The following HDLBP variants were observed in gnomAD, a reference collection of about 807,000 sequenced individuals.
HDLBP encodes the protein high density lipoprotein binding protein, also known as vigilin.
HDLBP carries 30 observed loss-of-function variants against 137.3 expected under a neutral mutation model. The ratio of observed to expected loss-of-function variants is 0.22; its 90% CI spans 0.16 to 0.30. HDLBP has a LOEUF of 0.30. Among genes scored for constraint, HDLBP ranks in the 10% least tolerant of loss-of-function variants. HDLBP has a pLI of 1.00. For missense variants in HDLBP, 1,119 were observed against 1,667.3 expected (o/e 0.67, Z 5.73); for synonymous variants, 606 against 596.0 (o/e 1.02, Z -0.24).
intron 1 of HDLBP, among the ~76,000 whole-genome samples, chr2:241,306,648 T>C (rs1436050225): frequency 1.3e-5 from 2 of 152,060 alleles, no homozygotes; most frequent in African/African-American, 4.8e-5. Context: ...CTCATGCCTA[T>C]TATCACAGCA....
intron 9 of HDLBP, 49 bp downstream of exon 9, chr2:241,255,002 A>G: frequency 7.3e-7 from 1 of 1,370,664 alleles, no homozygotes. Context: ...AAACAGAAAG[A>G]CAGAAAACAA....
At chr2:241,301,177 C>T (rs1321850161) in intron 1 of HDLBP, among the ~76,000 whole-genome samples, 2 of 148,486 alleles carry the variant, frequency 1.3e-5, no homozygotes, top group Non-Finnish European at 3.0e-5. Context: ...TTAGTAGAGA[C>T]GGGGCTTCAT....
intron 14 of HDLBP, among the ~76,000 whole-genome samples, 181 bp downstream of exon 14, chr2:241,247,822 T>C (rs2071796798): frequency 6.6e-6 from 1 of 151,942 alleles, no homozygotes; most frequent in African/African-American, 2.4e-5. Flanking sequence ...AATCTAAACA[T>C]CCAGGTATTA....
At chr2:241,232,795 C>G (rs1227988043) in intron 24 of HDLBP, among the ~76,000 whole-genome samples, 4 of 151,920 alleles carry the variant, frequency 2.6e-5, no homozygotes, top group Admixed American at 6.6e-5. Flanking sequence ...CCTGGGGCAA[C>G]AAGACAAAGA....
rs747220325 is a variant in HDLBP at position 241,256,388 on chromosome 2, A to G, written c.669T>C (p.Ala223=). The G allele has an allele frequency of 3.0e-5, 49 of 1,607,766 alleles. No homozygotes were observed. Among genetic ancestry groups the G allele is most frequent in the Non-Finnish European group, 6.0e-6 (7 of 1,176,164 alleles). Reference sequence around the variant, plus strand: ...CCTTTTCTACTTCTAGCCTCTCCACAGCACGTTTGTCCTGGAAAGGAAGGG... The same window carrying G: ...CCTTTTCTACTTCTAGCCTCTCCACGGCACGTTTGTCCTGGAAAGGAAGGG... ...LLISAEQDKR[A]VERLEVEKAF... is the part of the protein sequence containing the mutation. The change falls in exon 7 of 28, where the codon GCT becomes GCC. Residue 223 remains alanine, a synonymous_variant. Transcript: ENST00000310931.
rs528231324 is a variant in HDLBP, at chr2:241,230,528, G to T, written c.3474+231C>A. ...ATTCCCACCCACAGAGGACGAGCTC[G>T]CCAGGCAGCTGTCAAGGAGATGCCC... On this transcript the variant is annotated intron_variant, in intron 25 of 27. Transcript: ENST00000310931. The surrounding 1 kb of genome is among the most constrained non-coding windows in gnomAD (Gnocchi z 5.0). Among the ~76,000 whole-genome samples, 10 of 152,328 alleles carry T rather than the reference G, an allele frequency of 6.6e-5. 1 individual carries two copies. The South Asian group carries it at 1.7e-3, about 25-fold the overall frequency.
chr2:241,289,816 A>G (rs1405244425), intron 1 of HDLBP, among the ~76,000 whole-genome samples: 1 of 152,192 alleles, frequency 6.6e-6, no homozygotes, highest in Admixed American at 6.5e-5. Flanking sequence ...GGAAACCTCA[A>G]GAAGACATTA....
At position 241,230,865 on chromosome 2, in the gene HDLBP, T is replaced by G; in HGVS notation, c.3368A>C (p.Glu1123Ala). The G allele has an allele frequency of 1.9e-6, 3 of 1,614,210 alleles. No individual in the cohort carries two copies. Among genetic ancestry groups the G allele is most frequent in the Non-Finnish European group, 2.5e-6 (3 of 1,180,012 alleles). Residue 1123 changes from glutamate (E) to alanine (A), a missense_variant, in exon 25 of 28, where the codon GAA becomes GCA. By Grantham distance (107) the Glu-to-Ala change is moderately radical (BLOSUM62 -1). Transcript: ENST00000310931. The surrounding 1 kb of genome is among the most constrained non-coding windows in gnomAD (Gnocchi z 5.0). ...GTCCTCAGAAACCATCTGCTCAAGTTCACCCACAATTCTCAGTATAGCATC... is the reference window on the plus strand; with the variant it reads ...GTCCTCAGAAACCATCTGCTCAAGTGCACCCACAATTCTCAGTATAGCATC... Reference protein sequence around the residue: ...ARDAILRIVGELEQMVSEDVP... With the variant: ...ARDAILRIVGALEQMVSEDVP...
At chr2:241,235,343 G>T in intron 22 of HDLBP, 88 bp from the exon 23 acceptor site, 4 of 1,566,094 alleles carry the variant, frequency 2.6e-6, no homozygotes. Context: ...GTGGTGAGAG[G>T]GAAGGCCACC....
chr2:241,303,673 A>G (rs1224299315), intron 1 of HDLBP, among the ~76,000 whole-genome samples: 1 of 152,214 alleles, frequency 6.6e-6, no homozygotes, highest in East Asian at 1.9e-4. Context: ...CAAGAATACA[A>G]AAGTGACACC....
chr2:241,229,510 G>A lies in HDLBP; in HGVS notation c.*91C>T. On this transcript the variant is annotated 3_prime_UTR_variant, in exon 28 of 28. Coordinates refer to ENST00000310931, the MANE Select transcript of HDLBP (RefSeq NM_005336.6). ...GGGGGAAGAGCGTCAACAATTTACG[G>A]AGGGTCCAGCCGCTGGGTCAGATTG... The A allele has an allele frequency of 1.1e-6, 1 of 930,340 alleles. No homozygotes were observed. The highest frequency in any genetic ancestry group is 1.5e-5 in the South Asian group (1 of 65,062). The allele number at this position is 930,340 out of a possible 1,614,324, so 57.6% of individuals were successfully genotyped here. A position where few individuals can be genotyped will look rare whatever the true frequency, so the allele number is the denominator to read the frequency against.
chr2:241,256,337 C>A lies in HDLBP; in HGVS notation c.720G>T (p.Pro240=), dbSNP rs747724139. ...TGATCTCGCCAACCAGTCTATTATA[C>A]GGCCCAGCGATGAAGGGGTGGAATG... ...EKAFHPFIAG[P]YNRLVGEIMQ... is the part of the protein sequence containing the mutation. The change falls in exon 7 of 28, where the codon CCG becomes CCT. Residue 240 remains proline (P), a synonymous_variant. Transcript: ENST00000310931. 3.1e-6 allele frequency: 5 copies of A among 1,613,972 alleles called. No homozygotes were observed. Among genetic ancestry groups the A allele is most frequent in the Non-Finnish European group, 4.2e-6 (5 of 1,180,012 alleles).
Position 241,252,427 on chromosome 2 carries a change from G to A in HDLBP, c.1372+530C>T, listed in dbSNP as rs148396274. The stretch of plus-strand genomic sequence containing the variant: ...TGAAGCTGGAGAATTGCTTGAGCCC[G>A]GTAGGCAGAGGTTGTAGTGAGCTGA... On this transcript the variant is annotated intron_variant, in intron 11 of 27. Transcript: ENST00000310931. 1.6e-4 allele frequency among the ~76,000 whole-genome samples: 24 copies of A among 152,244 alleles called. No individual in the cohort carries two copies. In the East Asian group the frequency reaches 3.3e-3, roughly 21 times the overall value.
Position 241,233,968 on chromosome 2 carries a change from A to G in HDLBP, c.3145-5T>C. 6.2e-7 allele frequency: 1 copy of G among 1,614,158 alleles called. No homozygotes were observed. Among genetic ancestry groups the G allele is most frequent in the Non-Finnish European group, 8.5e-7 (1 of 1,179,998 alleles). Reference sequence around the variant, plus strand: ...CAGCTTAAAACTCCTTAAAGCCTACAAATGAAAGGAGCAAGAATGAGGCAA... The same window carrying G: ...CAGCTTAAAACTCCTTAAAGCCTACGAATGAAAGGAGCAAGAATGAGGCAA... On this transcript the variant is annotated splice_polypyrimidine_tract_variant and splice_region_variant and intron_variant, in intron 23 of 27. Transcript: ENST00000310931. This position sits in a 1 kb window ranked among gnomAD's most constrained non-coding sequence, Gnocchi z 4.3.
At position 241,271,627 on chromosome 2, in the gene HDLBP, G is replaced by A. The variant is rs544196179; in HGVS notation, c.-102-3086C>T. Among the ~76,000 whole-genome samples the A allele has an allele frequency of 4.5e-3, 690 of 152,302 alleles. 3 individuals carry two copies. The highest frequency in any genetic ancestry group is 7.8e-3 in the Non-Finnish European group (529 of 68,028). On this transcript the variant is annotated intron_variant, in intron 1 of 27. Transcript: ENST00000310931. ...ACATATTCAAGGGGCAACAGTCTTC[G>A]AAGAGAATTATCAGTAATACTCCAG...
chr2:241,250,818 T>A (rs2072080838), intron 11 of HDLBP: 1 of 151,896 alleles, frequency 6.6e-6, no homozygotes. Flanking sequence ...ACATGGGAGC[T>A]GGGCAGCAGG....
chr2:241,235,233 G>A lies in HDLBP; in HGVS notation c.3032C>T (p.Pro1011Leu), dbSNP rs1251229389. Residue 1011 changes from proline (P) to leucine (L), a missense_variant, in exon 23 of 28, where the codon CCT (proline) becomes CTT (leucine). Pro to Leu is a moderately conservative substitution (Grantham distance 98). This residue lies in a region of HDLBP where 618 missense variants were observed against 816.7 expected (regional missense o/e 0.76). Transcript: ENST00000310931. The stretch of plus-strand genomic sequence containing the variant: ...GGCGATGATGTCAGACTGCAGCTCA[G>A]GTGCCGGGACATGTATGTTCACCTA... ...EFEVNIHVPAPELQSDIIAIT... is the reference protein window; with the variant it reads ...EFEVNIHVPALELQSDIIAIT... 1.2e-6 allele frequency: 2 copies of A among 1,614,114 alleles called. No individual in the cohort carries two copies. The highest frequency in any genetic ancestry group is 2.7e-5 in the African/African-American group (2 of 74,944).
rs375283956 is a variant in HDLBP, at chr2:241,262,239, C to T, written c.450+472G>A. Among the ~76,000 whole-genome samples, 287 of 152,290 alleles carry T rather than the reference C, an allele frequency of 1.9e-3. 1 individual carries two copies. The highest frequency in any genetic ancestry group is 3.0e-3 in the Non-Finnish European group (203 of 68,020). ...AGCAATGGGAACCACCCATCTTTAC[C>T]ATTCAGCAAGCCCAGCTTCTTTTAA... On this transcript the variant is annotated intron_variant, in intron 5 of 27. Coordinates refer to ENST00000310931, the MANE Select transcript of HDLBP (RefSeq NM_005336.6).
intron 1 of HDLBP, among the ~76,000 whole-genome samples, chr2:241,298,700 TA>T (rs2075279939): frequency 6.6e-6 from 1 of 152,182 alleles, no homozygotes; most frequent in Non-Finnish European, 1.5e-5. Context: ...ACATCACCAC[TA>T]AGGGGACTAA....
Sources: allele counts gnomAD v4.1 joint callset (sites outside exome capture counted in the v4.1 genomes callset), GRCh38; gene constraint gnomAD v4.1.1; regional missense constraint gnomAD v4.1.1; non-coding constraint Gnocchi (gnomAD v3.1); transcripts MANE v1.5; gene names NCBI Gene and HGNC (gene_info 2026-07-23, HGNC 2026-07-21).